The following NANOG variants were observed in gnomAD, a reference collection of about 807,000 sequenced individuals.
The protein encoded by NANOG is homeobox protein NANOG.
NANOG carries 2 observed loss-of-function variants against 17.7 expected under a neutral mutation model. The ratio of observed to expected loss-of-function variants is 0.11; its 90% CI spans 0.05 to 0.36. The LOEUF is 0.36. Ranked by LOEUF, NANOG falls within the 10% of genes least tolerant of loss-of-function variation. NANOG has a pLI of 1.00. For synonymous variants in NANOG, 81 were observed against 124.7 expected (o/e 0.65, Z 2.33); for missense variants, 174 against 362.1 (o/e 0.48, Z 4.22).
At chr12:7,789,872 A>C in intron 1 of NANOG, 107 bp downstream of exon 1, 2 of 1,197,226 alleles carry the variant, frequency 1.7e-6, no homozygotes, top group Non-Finnish European at 2.4e-6. Flanking sequence ...GACCATTACT[A>C]TAAAGAAGTG....
At chr12:7,790,119 TGTGAATAA>T (rs767596664) in intron 1 of NANOG, among the ~76,000 whole-genome samples, 151,967 of 152,362 alleles carry the variant, frequency 1, 75,790 homozygotes, top group Middle Eastern at 1. Flanking sequence ...GCTGGACACA[TGTGAATAA>T]ATAGCAGATT....
intron 2 of NANOG, 142 bp from the exon 3 acceptor site, chr12:7,794,315 T>C (rs1862886225): frequency 2.8e-6 from 2 of 720,232 alleles, no homozygotes; most frequent in African/African-American, 1.8e-5. Flanking sequence ...TCAAGCAATC[T>C]GCCCGCCTTG....
In NANOG at chr12:7,795,269, G is replaced by T. The variant is rs757494237; in HGVS notation, c.*174G>T. 3.2e-4 allele frequency: 177 copies of T among 553,012 alleles called. No homozygotes were observed. Among genetic ancestry groups the T allele is most frequent in the African/African-American group, 2.9e-3 (142 of 48,358 alleles). 34.3% of individuals were successfully genotyped at this position (553,012 alleles called of 1,614,324 possible). On this transcript the variant is annotated 3_prime_UTR_variant, in exon 4 of 4. Transcript: ENST00000229307. ...GTGGAGTATGGTTGGAGCCTAATCA[G>T]CGAGGTTTCTTTTTTTTTTTTTTTC... is the stretch of plus-strand genomic sequence containing the variant.
chr12:7,789,871 T>A, intron 1 of NANOG, 106 bp downstream of exon 1: 1 of 1,195,370 alleles, frequency 8.4e-7, no homozygotes, highest in Non-Finnish European at 1.2e-6. Flanking sequence ...GGACCATTAC[T>A]ATAAAGAAGT....
At chr12:7,793,551 CTT>C (rs1001927998) in intron 2 of NANOG, among the ~76,000 whole-genome samples, 7 of 151,870 alleles carry the variant, frequency 4.6e-5, no homozygotes, top group African/African-American at 1.7e-4. Context: ...AAAATAAAAA[CTT>C]TTTTTTTCCT....
chr12:7,793,350 T>G, intron 2 of NANOG, 138 bp downstream of exon 2: 1 of 749,232 alleles, frequency 1.3e-6, no homozygotes, highest in Non-Finnish European at 2.2e-6. Context: ...GAAGATGAAA[T>G]GCTTTTGTAA....
At chr12:7,792,896 T>C in intron 1 of NANOG, 54 bp from the exon 2 acceptor site, 2 of 1,522,600 alleles carry the variant, frequency 1.3e-6, no homozygotes, top group Admixed American at 2.1e-5. Context: ...TTAAAGGATA[T>C]TTTAATATTT....
Position 7,797,526 on chromosome 12 carries a change from T to G in NANOG, c.*2431T>G, listed in dbSNP as rs141344413. On this transcript the variant is annotated 3_prime_UTR_variant, in exon 4 of 4. Coordinates refer to ENST00000229307, the MANE Select transcript of NANOG (RefSeq NM_024865.4). ...GGATTTGCCACTATGCCCAGCTAAT[T>G]CTTTGTATTTAGTAGAGATGGGGTT... 2 of 151,844 alleles carry G rather than the reference T, an allele frequency of 1.3e-5. No individual in the cohort carries two copies. The highest frequency in any genetic ancestry group is 2.9e-5 in the Non-Finnish European group (2 of 67,978). The allele number at this position is 151,844 out of a possible 1,614,324, so 9.4% of individuals were successfully genotyped here.
chr12:7,796,531 A>C lies in NANOG; in HGVS notation c.*1436A>C, dbSNP rs956995017. The C allele has an allele frequency of 2.0e-5, 3 of 152,142 alleles. No homozygotes were observed. Among genetic ancestry groups the C allele is most frequent in the African/African-American group, 7.2e-5 (3 of 41,454 alleles). The allele number at this position is 152,142 out of a possible 1,614,324, so 9.4% of individuals were successfully genotyped here. A position where few individuals can be genotyped will look rare whatever the true frequency, so the allele number is the denominator to read the frequency against. ...CTAGTTGAAACAGATTTATGTTCTC[A>C]CCTTAAGAGCAGCTACGCAGGCATC... On this transcript the variant is annotated 3_prime_UTR_variant, in exon 4 of 4. Transcript: ENST00000229307.
At chr12:7,791,317 G>A (rs1438715717) in intron 1 of NANOG, among the ~76,000 whole-genome samples, 1 of 151,312 alleles carries the variant, frequency 6.6e-6, no homozygotes, top group African/African-American at 2.4e-5. Flanking sequence ...CGGTGTGTTG[G>A]CCAGGCTGGT....
chr12:7,790,583 A>G (rs1862825816), intron 1 of NANOG, among the ~76,000 whole-genome samples: 1 of 152,198 alleles, frequency 6.6e-6, no homozygotes, highest in African/African-American at 2.4e-5. Context: ...CAAAAACTTG[A>G]GAATGAACCA....
rs1862902894 is a variant in NANOG, at chr12:7,795,140, C to G, written c.*45C>G. 6.5e-7 allele frequency: 1 copy of G among 1,530,148 alleles called. No individual in the cohort carries two copies. Among genetic ancestry groups the G allele is most frequent in the Non-Finnish European group, 8.9e-7 (1 of 1,119,784 alleles). 94.8% of individuals were successfully genotyped at this position (1,530,148 alleles called of 1,614,324 possible). A position where few individuals can be genotyped will look rare whatever the true frequency, so the allele number is the denominator to read the frequency against. On this transcript the variant is annotated 3_prime_UTR_variant, in exon 4 of 4. Transcript: ENST00000229307. ...TACTCAATTTCAGTCTGGACACTGG[C>G]TGAATCCTTCCTCTCCCCTCCTCCC...
intron 1 of NANOG, among the ~76,000 whole-genome samples, chr12:7,791,376 G>T (rs1260456895): frequency 2.6e-5 from 4 of 152,076 alleles, no homozygotes; most frequent in Admixed American, 2.6e-4. Context: ...TGGGCACCGC[G>T]CCTGGCCACC....
chr12:7,797,714 C>T lies in NANOG; in HGVS notation c.*2619C>T, dbSNP rs1183349495. On this transcript the variant is annotated 3_prime_UTR_variant, in exon 4 of 4. Coordinates refer to ENST00000229307, the MANE Select transcript of NANOG (RefSeq NM_024865.4). ...TGCTGCTCAGACTGGGGCTTAGTGGCACCATTTCACCTCACTGTAGCCTCG... is the reference window on the plus strand; with the variant it reads ...TGCTGCTCAGACTGGGGCTTAGTGGTACCATTTCACCTCACTGTAGCCTCG... The T allele has an allele frequency of 6.6e-6, 1 of 151,180 alleles. No individual in the cohort carries two copies. The highest frequency in any genetic ancestry group is 2.4e-5 in the African/African-American group (1 of 41,164). The allele number at this position is 151,180 out of a possible 1,614,324, so 9.4% of individuals were successfully genotyped here. A position where few individuals can be genotyped will look rare whatever the true frequency, so the allele number is the denominator to read the frequency against.
At position 7,794,558 on chromosome 12, in the gene NANOG, C is replaced by A. The variant is rs755617770; in HGVS notation, c.501+15C>A. The A allele has an allele frequency of 6.2e-7, 1 of 1,611,890 alleles. No homozygotes were observed. Among genetic ancestry groups the A allele is most frequent in the Non-Finnish European group, 8.5e-7 (1 of 1,178,828 alleles). ...GTGTGACGCAGGTAACAGGAAACTTCATTCTGTTCTTTCCTTTCAGTGATC... is the reference window on the plus strand; with the variant it reads ...GTGTGACGCAGGTAACAGGAAACTTAATTCTGTTCTTTCCTTTCAGTGATC... On this transcript the variant is annotated intron_variant, in intron 3 of 3. Coordinates refer to ENST00000229307, the MANE Select transcript of NANOG (RefSeq NM_024865.4).
Position 7,793,061 on chromosome 12 carries a change from A to G in NANOG, c.263A>G (p.Glu88Gly). The change falls in exon 2 of 4, where the codon GAA becomes GGA. Residue 88 changes from glutamate to glycine, a missense_variant. Around this residue, in one of 2 missense-constraint regions of NANOG, gnomAD observed 158 missense variants for 244.2 expected, o/e 0.65. Transcript: ENST00000229307. The stretch of plus-strand genomic sequence containing the variant: ...GCAGAGAAGAGTGTCGCAAAAAAGG[A>G]AGACAAGGTCCCGGTCAAGAAACAG... The part of the protein sequence containing the change: ...TSAEKSVAKK[E>G]DKVPVKKQKT... 6.2e-7 allele frequency: 1 copy of G among 1,610,110 alleles called. No individual in the cohort carries two copies. The highest frequency in any genetic ancestry group is 8.5e-7 in the Non-Finnish European group (1 of 1,176,498).
At chr12:7,792,920 CAA>C (rs775336366) in intron 1 of NANOG, 28 bp from the exon 2 acceptor site, 5 of 1,554,440 alleles carry the variant, frequency 3.2e-6, no homozygotes, top group Non-Finnish European at 4.3e-6. Context: ...AAATTTTAGA[CAA>C]AAGTGTCCTT....
Position 7,793,076 on chromosome 12 carries a change from T to C in NANOG, c.278T>C (p.Val93Ala). The change falls in exon 2 of 4, where the codon GTC becomes GCC. Residue 93 changes from valine (V) to alanine (A), a missense_variant. Val to Ala is a moderately conservative substitution (Grantham distance 64). Around this residue, in one of 2 missense-constraint regions of NANOG, gnomAD observed 158 missense variants for 244.2 expected, o/e 0.65. Coordinates refer to ENST00000229307, the MANE Select transcript of NANOG (RefSeq NM_024865.4). ...SVAKKEDKVPVKKQKTRTVFS... is the reference protein window; with the variant it reads ...SVAKKEDKVPAKKQKTRTVFS... ...GCAAAAAAGGAAGACAAGGTCCCGG[T>C]CAAGAAACAGAAGACCAGAACTGTG... 6.2e-7 allele frequency: 1 copy of C among 1,609,546 alleles called. No individual in the cohort carries two copies. The highest frequency in any genetic ancestry group is 8.5e-7 in the Non-Finnish European group (1 of 1,175,972).
chr12:7,790,288 A>T (rs758190612), intron 1 of NANOG, among the ~76,000 whole-genome samples: 1 of 152,146 alleles, frequency 6.6e-6, no homozygotes, highest in Non-Finnish European at 1.5e-5. Context: ...TCTCTTCTCC[A>T]TTCTCTGGGT....
Sources: gnomAD v4.1 joint callset for allele counts (sites outside exome capture counted in the v4.1 genomes callset) on GRCh38, gnomAD v4.1.1 for gene constraint, gnomAD v4.1.1 regional missense constraint, MANE v1.5 for transcripts, NCBI Gene and HGNC (gene_info 2026-07-23, HGNC 2026-07-21) for gene names.